TMEM179B: variants seen among roughly 807,000 people sequenced by gnomAD.
TMEM179B encodes transmembrane protein 179B.
A neutral mutation model predicts 18.0 loss-of-function variants in TMEM179B; 13 were observed. The ratio of observed to expected loss-of-function variants is 0.72; its 90% CI spans 0.47 to 1.15. TMEM179B has a LOEUF of 1.15. Ranked by LOEUF, TMEM179B falls within the 50% of genes most tolerant of loss-of-function variation. TMEM179B has a pLI of 0.00. For synonymous variants in TMEM179B, 159 were observed against 117.5 expected, an observed-to-expected ratio of 1.35 and a Z score of -2.29; for missense variants, 320 against 270.6, an observed-to-expected ratio of 1.18 and a Z score of -1.28.
rs2084299330 is a variant in TMEM179B at position 62,787,474 on chromosome 11, G to C, written c.43G>C (p.Ala15Pro). ...WLQRVELALF[A>P]AAFLCGAVAA... ...GCAGCGCGTCGAGCTTGCGCTCTTT[G>C]CTGCCGCCTTCCTGTGCGGGGCCGT... Residue 15 changes from alanine (A) to proline (P), a missense_variant, in exon 1 of 5, where the codon GCT becomes CCT. Physicochemically the swap from Ala to Pro is conservative, Grantham distance 27. Transcript: ENST00000333449. 1 of 1,577,690 alleles carries C rather than the reference G, an allele frequency of 6.3e-7. No individual in the cohort carries two copies. Among genetic ancestry groups the C allele is most frequent in the African/African-American group, 1.4e-5 (1 of 74,066 alleles).
Position 62,790,362 on chromosome 11 carries a change from C to T in TMEM179B, c.*315C>T. ...GCAGCTGCCCTAGGGATGACTGCTC[C>T]TTTATTTGTTGTTAATGAATCTTGA... On this transcript the variant is annotated 3_prime_UTR_variant, in exon 5 of 5. Coordinates refer to ENST00000333449, the MANE Select transcript of TMEM179B (RefSeq NM_199337.3). 1.8e-6 allele frequency: 1 copy of T among 546,462 alleles called. No individual in the cohort carries two copies. Among genetic ancestry groups the T allele is most frequent in the East Asian group, 3.1e-5 (1 of 32,592 alleles). The allele number at this position is 546,462 out of a possible 1,614,324, so 33.9% of individuals were successfully genotyped here.
chr11:62,790,152 T>C lies in TMEM179B; in HGVS notation c.*105T>C. The C allele has an allele frequency of 8.0e-7, 1 of 1,253,750 alleles. No individual in the cohort carries two copies. Among genetic ancestry groups the C allele is most frequent in the Non-Finnish European group, 1.1e-6 (1 of 940,382 alleles). 77.7% of individuals were successfully genotyped at this position (1,253,750 alleles called of 1,614,324 possible). On this transcript the variant is annotated 3_prime_UTR_variant, in exon 5 of 5. Transcript: ENST00000333449. ...GTTGGGAGTCTTAGTTTTCCTTTCG[T>C]TGGGGGGTGGGGGGGAAACATAATG...
intron 1 of TMEM179B, among the ~76,000 whole-genome samples, chr11:62,788,707 A>G (rs901388031): frequency 1.3e-5 from 2 of 150,494 alleles, no homozygotes; most frequent in African/African-American, 2.4e-5. Flanking sequence ...CCTCACAGAT[A>G]GTTATTTGTT....
Position 62,789,587 on chromosome 11 carries a change from CTT to C in TMEM179B, c.420-12_420-11del, listed in dbSNP as rs755036491. 3.9e-5 allele frequency: 61 copies of C among 1,550,276 alleles called. No homozygotes were observed. The highest frequency in any genetic ancestry group is 2.8e-4 in the Admixed American group (14 of 50,372). ...CTATCACGCTTTCTCACAACTGTCT[CTT>C]TGACCTCACAGCTGTTCTGAAGCCC... is the stretch of plus-strand genomic sequence containing the variant. On this transcript the variant is annotated splice_polypyrimidine_tract_variant and intron_variant, in intron 3 of 4. Transcript: ENST00000333449.
chr11:62,789,939 C>G lies in TMEM179B; in HGVS notation c.552C>G (p.Val184=), dbSNP rs149169067. 1 of 1,614,032 alleles carries G rather than the reference C, an allele frequency of 6.2e-7. No homozygotes were observed. Among genetic ancestry groups the G allele is most frequent in the Admixed American group, 1.7e-5 (1 of 60,006 alleles). ...VLWCVVLVLQ[V]VQWKSEATPY... ...GGTGTGTGGTCTTGGTGCTCCAGGT[C>G]GTGCAGTGGAAGTCTGAAGCCACCC... The change falls in exon 5 of 5, where the codon GTC becomes GTG. Residue 184 remains valine (V), a synonymous_variant. Coordinates refer to ENST00000333449, the MANE Select transcript of TMEM179B (RefSeq NM_199337.3).
chr11:62,787,691 G>A, intron 1 of TMEM179B, 164 bp downstream of exon 1: 1 of 893,468 alleles, frequency 1.1e-6, no homozygotes, highest in South Asian at 1.7e-5. Flanking sequence ...GGCTAATCGC[G>A]CTTTGTGGCT....
chr11:62,790,109 C>A lies in TMEM179B; in HGVS notation c.*62C>A, dbSNP rs78079991. On this transcript the variant is annotated 3_prime_UTR_variant, in exon 5 of 5. Transcript: ENST00000333449. ...ATGCCCAAGTGCCTGTAATCCCCCC[C>A]CTCAAGGCCCTGTTTATGTTGGGAG... 227 of 1,489,002 alleles carry A rather than the reference C, an allele frequency of 1.5e-4. No homozygotes were observed. Among genetic ancestry groups the A allele is most frequent in the African/African-American group, 9.3e-4 (66 of 71,218 alleles). The allele number at this position is 1,489,002 out of a possible 1,614,324, so 92.2% of individuals were successfully genotyped here.
rs762134919 is a variant in TMEM179B, at chr11:62,789,100, A to G, written c.174A>G (p.Ser58=). ...CCTCCCTGGCCTTATCCCGTCCCTC[A>G]GCACCATCCCTGTGCTACTTTGTAG... ...NGSSLALSRP[S]APSLCYFVAG... Residue 58 remains serine, a synonymous_variant, in exon 2 of 5, where the codon TCA becomes TCG. Coordinates refer to ENST00000333449, the MANE Select transcript of TMEM179B (RefSeq NM_199337.3). 2.5e-6 allele frequency: 4 copies of G among 1,614,028 alleles called. No individual in the cohort carries two copies. The highest frequency in any genetic ancestry group is 1.7e-6 in the Non-Finnish European group (2 of 1,180,038).
At chr11:62,788,961 C>A in intron 1 of TMEM179B, 62 bp from the exon 2 acceptor site, 1 of 1,527,014 alleles carries the variant, frequency 6.5e-7, no homozygotes, top group East Asian at 2.3e-5. Flanking sequence ...TAACACCCTA[C>A]CAAGAGACTG....
intron 1 of TMEM179B, among the ~76,000 whole-genome samples, chr11:62,788,764 AC>A (rs2084321950): frequency 6.6e-6 from 1 of 151,752 alleles, no homozygotes; most frequent in Non-Finnish European, 1.5e-5. Context: ...CTGCACAGAG[AC>A]CATAACTTGT....
At position 62,787,421 on chromosome 11, in the gene TMEM179B, G is replaced by C; in HGVS notation, c.-11G>C. The C allele has an allele frequency of 1.9e-6, 3 of 1,560,152 alleles. No individual in the cohort carries two copies. Among genetic ancestry groups the C allele is most frequent in the Middle Eastern group, 1.7e-4 (1 of 5,890 alleles). The stretch of plus-strand genomic sequence containing the variant: ...GCTGCTGCAGCGGCGCTTCCTGGTG[G>C]TCAGGGCGCCATGGCGCTGTCCTGG... On this transcript the variant is annotated 5_prime_UTR_variant, in exon 1 of 5. Coordinates refer to ENST00000333449, the MANE Select transcript of TMEM179B (RefSeq NM_199337.3).
chr11:62,790,037 C>A lies in TMEM179B; in HGVS notation c.650C>A (p.Ser217Tyr). 1 of 1,610,688 alleles carries A rather than the reference C, an allele frequency of 6.2e-7. No individual in the cohort carries two copies. The highest frequency in any genetic ancestry group is 8.5e-7 in the Non-Finnish European group (1 of 1,178,316). Residue 217 changes from serine (S) to tyrosine (Y), a missense_variant, in exon 5 of 5, where the codon TCC becomes TAC. Transcript: ENST00000333449. ...GATGCTCTCGTTGGGTCACGCCTTT[C>A]CCATTCCTGAAGAATAAGCGGAGTG... ...ETDALVGSRLSHS is the reference protein window; with the variant it reads ...ETDALVGSRLYHS
At chr11:62,789,564 A>G (rs2084333821) in intron 3 of TMEM179B, 37 bp from the exon 4 acceptor site, 12 of 1,550,262 alleles carry the variant, frequency 7.7e-6, no homozygotes, top group South Asian at 7.5e-5. Context: ...GATATAAACT[A>G]TCACGCTTTC....
At chr11:62,788,855 C>T (rs1217320554) in intron 1 of TMEM179B, among the ~76,000 whole-genome samples, 168 bp from the exon 2 acceptor site, 2 of 152,196 alleles carry the variant, frequency 1.3e-5, no homozygotes, top group African/African-American at 2.4e-5. Flanking sequence ...TGTGATTCCC[C>T]AGCAGGCCCT....
In TMEM179B at chr11:62,789,634, C is replaced by G. The variant is rs1398315077; in HGVS notation, c.453C>G (p.Pro151=). 1.3e-6 allele frequency: 2 copies of G among 1,550,440 alleles called. No homozygotes were observed. The highest frequency in any genetic ancestry group is 2.8e-5 in the African/African-American group (2 of 72,540). ...CSEAQKIPWT[P]PGTALQFYSN... ...AAGCCCAGAAAATTCCATGGACACC[C>G]CCTGGAACTGCTCTGCAGTTTTACT... The change falls in exon 4 of 5, where the codon CCC becomes CCG. Residue 151 remains proline, a synonymous_variant. Transcript: ENST00000333449.
intron 1 of TMEM179B, among the ~76,000 whole-genome samples, chr11:62,788,429 G>A (rs375430916): frequency 2.6e-5 from 4 of 151,798 alleles, no homozygotes; most frequent in Admixed American, 6.6e-5. Flanking sequence ...CACTGGCCGG[G>A]CCTGGTGGCT....
At position 62,789,618 on chromosome 11, in the gene TMEM179B, A is replaced by C. The variant is rs915093023; in HGVS notation, c.437A>C (p.Lys146Thr). The C allele has an allele frequency of 1.9e-6, 3 of 1,547,302 alleles. No homozygotes were observed. In the Admixed American group the frequency reaches 6.2e-5, roughly 32 times the overall value. ...NTTISCSEAQKIPWTPPGTAL... is the reference protein window; with the variant it reads ...NTTISCSEAQTIPWTPPGTAL... ...CCTCACAGCTGTTCTGAAGCCCAGAAAATTCCATGGACACCCCCTGGAACT... is the reference window on the plus strand; with the variant it reads ...CCTCACAGCTGTTCTGAAGCCCAGACAATTCCATGGACACCCCCTGGAACT... The change falls in exon 4 of 5, where the codon AAA (lysine) becomes ACA (threonine). Residue 146 changes from lysine (K) to threonine (T), a missense_variant. Physicochemically the swap from Lys to Thr is moderately conservative, Grantham distance 78. Transcript: ENST00000333449.
chr11:62,789,710 C>CA, intron 4 of TMEM179B, 31 bp downstream of exon 4: 2 of 1,525,536 alleles, frequency 1.3e-6, no homozygotes, highest in South Asian at 2.6e-5. Context: ...GAAAAACTGA[C>CA]ATAAATATCT....
intron 1 of TMEM179B, among the ~76,000 whole-genome samples, chr11:62,788,773 T>C (rs2084322085): frequency 6.6e-6 from 1 of 152,116 alleles, no homozygotes; most frequent in African/African-American, 2.4e-5. Context: ...GACCATAACT[T>C]GTGAGGCTTC....
Sources: allele counts gnomAD v4.1 joint callset (sites outside exome capture counted in the v4.1 genomes callset), GRCh38; gene constraint gnomAD v4.1.1; transcripts MANE v1.5; gene names NCBI Gene and HGNC (gene_info 2026-07-23, HGNC 2026-07-21).